LRRTM4: variants seen among roughly 807,000 people sequenced by gnomAD.
The protein encoded by LRRTM4 is leucine rich repeat transmembrane neuronal 4, also known as leucine-rich repeat transmembrane neuronal protein 4.
In LRRTM4, 25 loss-of-function variants were observed where a neutral mutation model predicts 47.6. That is an observed-to-expected ratio of 0.53 (90% CI 0.38 to 0.73). The LOEUF is 0.73. Ranked by LOEUF, LRRTM4 falls within the 30% of genes least tolerant of loss-of-function variation. The pLI, the probability that LRRTM4 is intolerant of heterozygous loss-of-function variation, is 0.00. For missense variants in LRRTM4, 638 were observed against 713.4 expected (o/e 0.89, Z 1.20); for synonymous variants, 311 against 269.5 (o/e 1.15, Z -1.51).
intron 3 of LRRTM4, among the ~76,000 whole-genome samples, chr2:77,493,228 T>C (rs990300880): frequency 1.3e-5 from 2 of 152,064 alleles, no homozygotes; most frequent in Non-Finnish European, 2.9e-5. Context: ...TAAAATTTGC[T>C]CTTAGTAATA....
At chr2:76,775,047 AAGATACAT>A (rs1179027687) in intron 3 of LRRTM4, among the ~76,000 whole-genome samples, 1 of 152,168 alleles carries the variant, frequency 6.6e-6, no homozygotes, top group East Asian at 1.9e-4. Context: ...GAATTTCTCC[AAGATACAT>A]ATCTTGAAAC....
rs1674292504 is a variant in LRRTM4 at position 77,211,506 on chromosome 2, T to C, written c.1551+306812A>G. 2.0e-5 allele frequency among the ~76,000 whole-genome samples: 3 copies of C among 152,168 alleles called. No individual in the cohort carries two copies. In the South Asian group the frequency reaches 6.2e-4, roughly 31 times the overall value. ...GCCCAACTTCCAATCCACCCATAACTTTATTTTGCAAACAAAGTATTTTAA... is the reference window on the plus strand; with the variant it reads ...GCCCAACTTCCAATCCACCCATAACCTTATTTTGCAAACAAAGTATTTTAA... On this transcript the variant is annotated intron_variant, in intron 3 of 3. Coordinates refer to ENST00000409884, the MANE Select transcript of LRRTM4 (RefSeq NM_001134745.3).
At chr2:77,489,969 G>T (rs981436686) in intron 3 of LRRTM4, among the ~76,000 whole-genome samples, 1 of 152,132 alleles carries the variant, frequency 6.6e-6, no homozygotes, top group Non-Finnish European at 1.5e-5. Flanking sequence ...AAACTACTTG[G>T]CCAGGCGTGG....
chr2:77,240,995 A>C (rs1487864592), intron 3 of LRRTM4, among the ~76,000 whole-genome samples: 1 of 152,022 alleles, frequency 6.6e-6, no homozygotes, highest in Non-Finnish European at 1.5e-5. Context: ...ATTGACCTAC[A>C]GAATACATAC....
chr2:77,065,351 CATT>C (rs1679918208), intron 3 of LRRTM4, among the ~76,000 whole-genome samples: 1 of 152,138 alleles, frequency 6.6e-6, no homozygotes, highest in Admixed American at 6.5e-5. Context: ...AGAGAACTCA[CATT>C]ATAATAATGG....
At chr2:76,916,686 T>C (rs529647658) in intron 3 of LRRTM4, among the ~76,000 whole-genome samples, 2 of 152,298 alleles carry the variant, frequency 1.3e-5, no homozygotes, top group Non-Finnish European at 2.9e-5. Flanking sequence ...GACTGTGTCC[T>C]TACTAATTTC....
At chr2:76,955,566 T>A (rs1050328816) in intron 3 of LRRTM4, among the ~76,000 whole-genome samples, 1 of 151,864 alleles carries the variant, frequency 6.6e-6, no homozygotes, top group Non-Finnish European at 1.5e-5. Context: ...GACAGCGATA[T>A]GAACTGTTTA....
At chr2:77,210,321 T>C (rs1395051609) in intron 3 of LRRTM4, among the ~76,000 whole-genome samples, 1 of 152,302 alleles carries the variant, frequency 6.6e-6, no homozygotes, top group African/African-American at 2.4e-5. Context: ...GTTATCCTTT[T>C]CCATTTCCTC....
chr2:76,906,819 C>T (rs1673857352), intron 3 of LRRTM4, among the ~76,000 whole-genome samples: 1 of 151,046 alleles, frequency 6.6e-6, no homozygotes, highest in South Asian at 2.1e-4. Flanking sequence ...TATATGCACC[C>T]AATACAGGAG....
chr2:77,210,127 G>C (rs1431569190), intron 3 of LRRTM4, among the ~76,000 whole-genome samples: 1 of 152,134 alleles, frequency 6.6e-6, no homozygotes, highest in Non-Finnish European at 1.5e-5. Context: ...GCTGATTTCT[G>C]ACACGCCAAG....
rs142088628 is a variant in LRRTM4 at position 77,267,716 on chromosome 2, G to A, written c.1551+250602C>T. Among the ~76,000 whole-genome samples, 21 of 143,694 alleles carry A rather than the reference G, an allele frequency of 1.5e-4. 1 individual carries two copies. Among genetic ancestry groups the A allele is most frequent in the African/African-American group, 5.4e-4 (21 of 38,902 alleles). 94.3% of individuals were successfully genotyped at this position (143,694 alleles called of 152,430 possible). ...TTCCAGAATATTTTTTTTTGATAAT[G>A]CTCCTTTCAAGTTCAAAAATATCCT... On this transcript the variant is annotated intron_variant, in intron 3 of 3. Coordinates refer to ENST00000409884, the MANE Select transcript of LRRTM4 (RefSeq NM_001134745.3).
intron 3 of LRRTM4, among the ~76,000 whole-genome samples, chr2:77,092,642 T>G (rs1446763273): frequency 6.9e-6 from 1 of 144,782 alleles, no homozygotes; most frequent in Admixed American, 6.8e-5. Flanking sequence ...CTAAAATACC[T>G]CTTAGTCTAG....
chr2:77,161,840 C>A (rs780405088), intron 3 of LRRTM4, among the ~76,000 whole-genome samples: 3 of 151,988 alleles, frequency 2.0e-5, no homozygotes, highest in Non-Finnish European at 4.4e-5. Flanking sequence ...ATGATTAAAA[C>A]TCTAGTATTT....
chr2:77,242,527 A>T (rs1280423934), intron 3 of LRRTM4, among the ~76,000 whole-genome samples: 1 of 152,156 alleles, frequency 6.6e-6, no homozygotes, highest in African/African-American at 2.4e-5. Context: ...ATTTCTCTAA[A>T]ATACATACAA....
chr2:77,037,450 G>C (rs1436347697), intron 3 of LRRTM4, among the ~76,000 whole-genome samples: 1 of 151,564 alleles, frequency 6.6e-6, no homozygotes, highest in Admixed American at 6.6e-5. Context: ...GCACATAATT[G>C]CAAGCATTAT....
rs534127384 is a variant in LRRTM4, at chr2:77,220,369, G to A, written c.1551+297949C>T. 7.9e-5 allele frequency among the ~76,000 whole-genome samples: 12 copies of A among 152,298 alleles called. No individual in the cohort carries two copies. In the South Asian group the frequency reaches 8.3e-4, roughly 11 times the overall value. ...AAGCTGGACGCAGAATGACTTCTAC[G>A]AGTTGAGAGAAGAAGGCTTCCGAAG... On this transcript the variant is annotated intron_variant, in intron 3 of 3. Coordinates refer to ENST00000409884, the MANE Select transcript of LRRTM4 (RefSeq NM_001134745.3).
intron 3 of LRRTM4, among the ~76,000 whole-genome samples, chr2:77,281,380 G>A (rs190133621): frequency 1.3e-5 from 2 of 152,012 alleles, no homozygotes; most frequent in East Asian, 3.9e-4. Flanking sequence ...TTCAGGATTT[G>A]TTTCTTAATT....
intron 3 of LRRTM4, among the ~76,000 whole-genome samples, chr2:76,997,872 T>G (rs1347073330): frequency 6.6e-6 from 1 of 151,864 alleles, no homozygotes; most frequent in Non-Finnish European, 1.5e-5. Flanking sequence ...CATGAGATTC[T>G]CAAAGAAGCA....
At chr2:77,040,082 T>C (rs1678974737) in intron 3 of LRRTM4, among the ~76,000 whole-genome samples, 1 of 151,188 alleles carries the variant, frequency 6.6e-6, no homozygotes, top group Admixed American at 6.6e-5. Flanking sequence ...GGCAGCAAAG[T>C]ATAATAAAAA....
Sources: allele counts gnomAD v4.1 joint callset (sites outside exome capture counted in the v4.1 genomes callset), GRCh38; gene constraint gnomAD v4.1.1; transcripts MANE v1.5; gene names NCBI Gene and HGNC (gene_info 2026-07-23, HGNC 2026-07-21).